The following AGBL1 variants were observed in gnomAD, a reference collection of about 807,000 sequenced individuals.
AGBL1 encodes AGBL carboxypeptidase 1.
A neutral mutation model predicts 118.9 loss-of-function variants in AGBL1; 130 were observed. The observed-to-expected ratio is 1.09, with a 90% confidence interval of 0.95 to 1.26. The LOEUF (loss-of-function observed/expected upper bound fraction) is 1.26, where lower values mean the gene tolerates loss of function less well. Among genes scored for constraint, AGBL1 ranks in the 50% most tolerant of loss-of-function variants. AGBL1 has a pLI of 0.00. For synonymous variants in AGBL1, 555 were observed against 478.9 expected (o/e 1.16, Z -2.08); for missense variants, 1,584 against 1,298.1 (o/e 1.22, Z -3.38).
chr15:86,860,419 T>G (rs569752985), intron 22 of AGBL1, among the ~76,000 whole-genome samples: 62 of 150,570 alleles, frequency 4.1e-4, no homozygotes, highest in Non-Finnish European at 5.9e-4. Context: ...TATATATATC[T>G]CTTTATATAT....
intron 18 of AGBL1, among the ~76,000 whole-genome samples, chr15:86,458,179 A>C (rs896259137): frequency 1.3e-5 from 2 of 151,852 alleles, no homozygotes; most frequent in Non-Finnish European, 3.0e-5. Flanking sequence ...GAAATGTACA[A>C]AAATCAAGCC....
intron 18 of AGBL1, among the ~76,000 whole-genome samples, chr15:86,463,140 G>A (rs571523369): frequency 1.3e-5 from 2 of 152,304 alleles, no homozygotes; most frequent in East Asian, 3.9e-4. Flanking sequence ...TCTAACTGGT[G>A]TGAGATGGTA....
At chr15:86,781,173 T>C (rs1487422889) in intron 22 of AGBL1, among the ~76,000 whole-genome samples, 1 of 152,202 alleles carries the variant, frequency 6.6e-6, no homozygotes, top group Non-Finnish European at 1.5e-5. Context: ...GTTCTCTCTG[T>C]CATTACCTGA....
downstream of AGBL1, among the ~76,000 whole-genome samples, chr15:87,029,326 C>G (rs571509083): frequency 6.6e-6 from 1 of 151,970 alleles, no homozygotes; most frequent in African/African-American, 2.4e-5. Flanking sequence ...GGATCACTTT[C>G]TGGAACATCC....
chr15:86,389,401 G>A (rs2081245024), intron 17 of AGBL1, among the ~76,000 whole-genome samples: 1 of 152,224 alleles, frequency 6.6e-6, no homozygotes, highest in South Asian at 2.1e-4. Flanking sequence ...ATGAGCAAGG[G>A]TGATACGATT....
At chr15:86,102,988 G>A (rs1896824259) in intron 1 of AGBL1, among the ~76,000 whole-genome samples, 2 of 152,156 alleles carry the variant, frequency 1.3e-5, no homozygotes, top group African/African-American at 2.4e-5. Flanking sequence ...CATATGTCAT[G>A]TAGGGTTTGT....
intron 1 of AGBL1, among the ~76,000 whole-genome samples, chr15:86,108,580 C>T (rs912064540): frequency 6.6e-6 from 1 of 152,130 alleles, no homozygotes; most frequent in Non-Finnish European, 1.5e-5. Flanking sequence ...CGTTTAGGTG[C>T]TCCAGTTTCT....
chr15:86,304,687 G>A (rs1023605306), intron 17 of AGBL1, among the ~76,000 whole-genome samples: 2 of 152,004 alleles, frequency 1.3e-5, no homozygotes, highest in African/African-American at 2.4e-5. Context: ...TTATTTCTTG[G>A]GTCCCCAAGG....
chr15:86,740,780 A>T (rs16977947), intron 22 of AGBL1, among the ~76,000 whole-genome samples: 2,313 of 152,266 alleles, frequency 0.015, 55 homozygotes, highest in African/African-American at 0.052. Flanking sequence ...GATGTAAGGT[A>T]TCCCAAGTAA....
At chr15:86,995,851 G>T (rs987652148) in intron 24 of AGBL1, among the ~76,000 whole-genome samples, 1 of 152,122 alleles carries the variant, frequency 6.6e-6, no homozygotes, top group African/African-American at 2.4e-5. Flanking sequence ...ATAAGAATCT[G>T]CATTGATCAG....
In AGBL1 at chr15:86,784,979, G is replaced by A. The variant is rs1183806427; in HGVS notation, c.3158+110543G>A. Among the ~76,000 whole-genome samples, 7 of 152,074 alleles carry A rather than the reference G, an allele frequency of 4.6e-5. No homozygotes were observed. The East Asian group carries it at 1.3e-3, about 29-fold the overall frequency. ...CGTATTTTCTCAAGTGCCTTTTCAAGCACGGTATTACAAATAATAGTAATA... is the reference window on the plus strand; with the variant it reads ...CGTATTTTCTCAAGTGCCTTTTCAAACACGGTATTACAAATAATAGTAATA... On this transcript the variant is annotated intron_variant, in intron 22 of 22. Coordinates refer to ENST00000614907, the MANE Select transcript of AGBL1 (RefSeq NM_001386094.1).
intron 22 of AGBL1, among the ~76,000 whole-genome samples, chr15:86,707,223 C>G (rs990160332): frequency 6.6e-6 from 1 of 152,028 alleles, no homozygotes; most frequent in African/African-American, 2.4e-5. Flanking sequence ...CATCTGTGCA[C>G]AATACCATAA....
chr15:86,570,438 C>T (rs1275018043), intron 21 of AGBL1, among the ~76,000 whole-genome samples: 1 of 152,186 alleles, frequency 6.6e-6, no homozygotes, highest in Non-Finnish European at 1.5e-5. Context: ...TTTACAGCTG[C>T]TACCTTTATG....
At chr15:86,780,336 T>C (rs965729457) in intron 22 of AGBL1, among the ~76,000 whole-genome samples, 2 of 152,244 alleles carry the variant, frequency 1.3e-5, no homozygotes, top group Non-Finnish European at 2.9e-5. Flanking sequence ...TATGTTTCCC[T>C]TTTTATCTCA....
At position 86,304,386 on chromosome 15, in the gene AGBL1, G is replaced by A. The variant is rs552657025; in HGVS notation, c.2374+8978G>A. Among the ~76,000 whole-genome samples, 55 of 152,238 alleles carry A rather than the reference G, an allele frequency of 3.6e-4. No homozygotes were observed. In the South Asian group the frequency reaches 0.011, roughly 29 times the overall value. On this transcript the variant is annotated intron_variant, in intron 17 of 22. Transcript: ENST00000614907. Reference sequence around the variant, plus strand: ...CATATAGTATTCATGCTCACGTCAAGGAAGTCTTCCCGGATCATGATATCT... The same window carrying A: ...CATATAGTATTCATGCTCACGTCAAAGAAGTCTTCCCGGATCATGATATCT...
intron 1 of AGBL1, among the ~76,000 whole-genome samples, chr15:86,130,697 T>A (rs2076808155): frequency 6.6e-6 from 1 of 152,206 alleles, no homozygotes; most frequent in South Asian, 2.1e-4. Context: ...CAAATTCAGT[T>A]TTTAGAAACA....
intron 22 of AGBL1, among the ~76,000 whole-genome samples, chr15:86,763,867 A>T (rs1449865622): frequency 6.6e-6 from 1 of 152,032 alleles, no homozygotes; most frequent in African/African-American, 2.4e-5. Context: ...TGGAATATTT[A>T]TGGAATAGTT....
At chr15:86,441,814 G>C (rs1470298932) in intron 18 of AGBL1, among the ~76,000 whole-genome samples, 3 of 152,208 alleles carry the variant, frequency 2.0e-5, no homozygotes, top group Admixed American at 6.5e-5. Context: ...TGATCACAGG[G>C]AAGAGACAAG....
At chr15:86,472,885 C>T (rs1021377142) in intron 18 of AGBL1, among the ~76,000 whole-genome samples, 1 of 152,226 alleles carries the variant, frequency 6.6e-6, no homozygotes, top group Non-Finnish European at 1.5e-5. Context: ...CACCACTGCA[C>T]TCTAGTCTGG....
Sources: allele counts gnomAD v4.1 joint callset (sites outside exome capture counted in the v4.1 genomes callset), GRCh38; gene constraint gnomAD v4.1.1; transcripts MANE v1.5; gene names NCBI Gene and HGNC (gene_info 2026-07-23, HGNC 2026-07-21).